Variants in RRBP1 observed in about 807,000 individuals in gnomAD.
The protein encoded by RRBP1 is ribosome binding protein 1.
In RRBP1, 94 loss-of-function variants were observed where a neutral mutation model predicts 165.2. That is an observed-to-expected ratio of 0.57 (90% CI 0.48 to 0.68). The LOEUF (loss-of-function observed/expected upper bound fraction) is 0.68, where lower values mean the gene tolerates loss of function less well. Among genes scored for constraint, RRBP1 ranks in the 30% least tolerant of loss-of-function variants. The pLI is 0.00. For missense variants in RRBP1, 1,676 were observed against 1,763.0 expected (o/e 0.95, Z 0.88); for synonymous variants, 680 against 714.5 (o/e 0.95, Z 0.77).
intron 3 of RRBP1, among the ~76,000 whole-genome samples, chr20:17,657,513 C>T (rs920116655): frequency 1.6e-4 from 24 of 149,126 alleles, no homozygotes; most frequent in African/African-American, 5.5e-4. Flanking sequence ...AACACAAATG[C>T]AATTATTTTT....
At chr20:17,618,049 C>T (rs1184941337) in intron 20 of RRBP1, among the ~76,000 whole-genome samples, 1 of 147,486 alleles carries the variant, frequency 6.8e-6, no homozygotes, top group Non-Finnish European at 1.5e-5. Context: ...CAGTGGTCTG[C>T]CAAGGGGGCT....
chr20:17,641,703 C>T (rs770759324), intron 5 of RRBP1, 94 bp downstream of exon 5: 71 of 1,479,540 alleles, frequency 4.8e-5, no homozygotes, highest in Middle Eastern at 2.4e-4. Flanking sequence ...AGGCAGGCCC[C>T]AGCATCTCGG....
rs115486982 is a variant in RRBP1, at chr20:17,619,243, T to C, written c.3675+390A>G. 1,291 of 190,994 alleles carry C rather than the reference T, an allele frequency of 6.8e-3. 15 individuals are homozygous for C. Among genetic ancestry groups the C allele is most frequent in the African/African-American group, 0.027 (1,162 of 42,818 alleles). 11.8% of individuals were successfully genotyped at this position (190,994 alleles called of 1,614,324 possible). A position where few individuals can be genotyped will look rare whatever the true frequency, so the allele number is the denominator to read the frequency against. ...CCAAAAGTTTGAGATTAAACCAGAA[T>C]TGGGATACTGGGCTTGTGCTTCTGC... On this transcript the variant is annotated intron_variant, in intron 19 of 24. Coordinates refer to ENST00000377813, the MANE Select transcript of RRBP1 (RefSeq NM_001365613.2).
chr20:17,651,392 T>C (rs1399102229), intron 3 of RRBP1, among the ~76,000 whole-genome samples: 2 of 152,242 alleles, frequency 1.3e-5, no homozygotes, highest in Non-Finnish European at 2.9e-5. Context: ...TCTAGGACTT[T>C]ATTTTGTAGA....
intron 2 of RRBP1, among the ~76,000 whole-genome samples, chr20:17,672,580 A>C (rs1160672268): frequency 6.6e-6 from 1 of 152,210 alleles, no homozygotes; most frequent in East Asian, 1.9e-4. Flanking sequence ...TGGGAGTATA[A>C]ATTAGAACAA....
chr20:17,674,412 C>A (rs972787734), intron 2 of RRBP1, among the ~76,000 whole-genome samples: 5 of 151,994 alleles, frequency 3.3e-5, no homozygotes, highest in Admixed American at 2.0e-4. Context: ...TGACCCCTCC[C>A]TCACTTCCTA....
chr20:17,675,540 G>T (rs1435209344), intron 2 of RRBP1, among the ~76,000 whole-genome samples: 1 of 150,702 alleles, frequency 6.6e-6, no homozygotes, highest in South Asian at 2.2e-4. Flanking sequence ...TGCAGAGAAG[G>T]GGGGCAGGGA....
In RRBP1 at chr20:17,620,362, G is replaced by A. The variant is rs2035887715; in HGVS notation, c.3516C>T (p.Val1172=). ...CAATCTCTTCGAGATGCTTCACTGT[G>A]ACCCGGGACTACAAAGCAAGGGGAA... The part of the protein sequence containing the change: ...AAEEELQKSR[V]TVKHLEEIVE... The change falls in exon 18 of 25, where the codon GTC becomes GTT. Residue 1172 remains valine, a synonymous_variant. Transcript: ENST00000377813. The A allele has an allele frequency of 1.2e-6, 2 of 1,613,612 alleles. No individual in the cohort carries two copies. Among genetic ancestry groups the A allele is most frequent in the Admixed American group, 3.3e-5 (2 of 60,028 alleles).
In RRBP1 at chr20:17,643,254, G is replaced by T; in HGVS notation, c.1913-127C>A. 1.1e-6 allele frequency: 1 copy of T among 939,822 alleles called. No individual in the cohort carries two copies. Among genetic ancestry groups the T allele is most frequent in the Non-Finnish European group, 1.6e-6 (1 of 635,502 alleles). The allele number at this position is 939,822 out of a possible 1,614,324, so 58.2% of individuals were successfully genotyped here. A position where few individuals can be genotyped will look rare whatever the true frequency, so the allele number is the denominator to read the frequency against. On this transcript the variant is annotated intron_variant, in intron 3 of 24. Transcript: ENST00000377813. The surrounding 1 kb of genome is among the most constrained non-coding windows in gnomAD (Gnocchi z 4.3). The stretch of plus-strand genomic sequence containing the variant: ...AGAGCTCTCTGACTGCTTGGGGTCA[G>T]CAGGCTGAGCATGGCGAGTCTGCTC...
intron 5 of RRBP1, 115 bp from the exon 6 acceptor site, chr20:17,636,844 T>G: frequency 7.7e-7 from 1 of 1,301,300 alleles, no homozygotes; most frequent in Non-Finnish European, 1.1e-6. Flanking sequence ...CACAGACCCC[T>G]CCTGCTGGCC....
chr20:17,658,557 G>C (rs191933146), intron 3 of RRBP1, 39 bp downstream of exon 3: 2 of 1,512,226 alleles, frequency 1.3e-6, no homozygotes, highest in East Asian at 2.3e-5. Flanking sequence ...TTTAAAGACA[G>C]CCTTTCCTTC....
intron 3 of RRBP1, among the ~76,000 whole-genome samples, chr20:17,656,584 C>CA (rs2036649855): frequency 1.3e-5 from 2 of 152,320 alleles, no homozygotes; most frequent in East Asian, 3.9e-4. Flanking sequence ...TTCAAGTTCT[C>CA]AGTCAGTTTC....
In RRBP1 at chr20:17,615,330, G is replaced by A. The variant is rs148720972; in HGVS notation, c.4050+101C>T. 419 of 913,904 alleles carry A rather than the reference G, an allele frequency of 4.6e-4. 1 individual carries two copies. The East Asian group carries it at 0.011, about 24-fold the overall frequency. The allele number at this position is 913,904 out of a possible 1,614,324, so 56.6% of individuals were successfully genotyped here. On this transcript the variant is annotated intron_variant, in intron 23 of 24. Transcript: ENST00000377813. The stretch of plus-strand genomic sequence containing the variant: ...ACCAGTGCCAAGGGCAGGTCCCGGT[G>A]GGGTCGGCTCTCCCCTTCCTGGCCC...
At chr20:17,625,749 C>T in intron 11 of RRBP1, 147 bp from the exon 12 acceptor site, 1 of 645,768 alleles carries the variant, frequency 1.5e-6, no homozygotes, top group South Asian at 1.9e-5. Context: ...CCACCTCACC[C>T]AGCGTGAGCT....
chr20:17,626,289 CAA>C (rs930532082), intron 11 of RRBP1, among the ~76,000 whole-genome samples: 4 of 152,224 alleles, frequency 2.6e-5, no homozygotes, highest in Admixed American at 6.5e-5. Flanking sequence ...TCTTAAAACA[CAA>C]GAGCAAAACA....
Position 17,614,128 on chromosome 20 carries a change from T to C in RRBP1, c.*54A>G, listed in dbSNP as rs549594764. On this transcript the variant is annotated 3_prime_UTR_variant, in exon 25 of 25. Transcript: ENST00000377813. ...GGTTGGTTGGTTTATTTGTAAGGAATGTGTAAGGCATTTTGGTAAGTTGAA... is the reference window on the plus strand; with the variant it reads ...GGTTGGTTGGTTTATTTGTAAGGAACGTGTAAGGCATTTTGGTAAGTTGAA... 5.8e-6 allele frequency: 9 copies of C among 1,565,006 alleles called. No individual in the cohort carries two copies. The Admixed American group carries it at 1.2e-4, about 20-fold the overall frequency.
rs1568771271 is a variant in RRBP1, at chr20:17,643,046, C to T, written c.1994G>A (p.Gly665Asp). The T allele has an allele frequency of 5.0e-6, 8 of 1,614,104 alleles. No individual in the cohort carries two copies. The South Asian group carries it at 8.8e-5, about 18-fold the overall frequency. The change falls in exon 4 of 25, where the codon GGC becomes GAC. Residue 665 changes from glycine (G) to aspartate (D), a missense_variant. Coordinates refer to ENST00000377813, the MANE Select transcript of RRBP1 (RefSeq NM_001365613.2). This position sits in a 1 kb window ranked among gnomAD's most constrained non-coding sequence, Gnocchi z 4.3. ...STVGSMVFNEGEAQRLIEILS... is the reference protein window; with the variant it reads ...STVGSMVFNEDEAQRLIEILS... ...GATCTCGATGAGCCGCTGGGCCTCG[C>T]CCTCGTTGAACACCATGCTCCCAAC...
chr20:17,627,043 A>C (rs941969797), intron 11 of RRBP1, among the ~76,000 whole-genome samples: 7 of 152,212 alleles, frequency 4.6e-5, no homozygotes, highest in Non-Finnish European at 7.3e-5. Context: ...CTGACCAGTC[A>C]GTCCCTTCCC....
chr20:17,627,680 G>A lies in RRBP1; in HGVS notation c.2752C>T (p.Leu918=), dbSNP rs776339677. The stretch of plus-strand genomic sequence containing the variant: ...TCGGAGGACTGTAACTTGCTGTGCA[G>A]CTCTGGTGCAGAGGAAGGGAAACGA... The part of the protein sequence containing the change: ...AQEQQQQMAE[L]HSKLQSSEAE... Residue 918 remains leucine (L), a splice_region_variant and synonymous_variant, in exon 10 of 25, where the codon CTG becomes TTG. Coordinates refer to ENST00000377813, the MANE Select transcript of RRBP1 (RefSeq NM_001365613.2). 9 of 1,592,650 alleles carry A rather than the reference G, an allele frequency of 5.7e-6. No individual in the cohort carries two copies. The South Asian group carries it at 7.9e-5, about 14-fold the overall frequency.
Sources: gnomAD v4.1 joint callset for allele counts (sites outside exome capture counted in the v4.1 genomes callset) on GRCh38, gnomAD v4.1.1 for gene constraint, Gnocchi (gnomAD v3.1) non-coding constraint, MANE v1.5 for transcripts, NCBI Gene and HGNC (gene_info 2026-07-23, HGNC 2026-07-21) for gene names.